The following SHOC1 variants were observed in gnomAD, a reference collection of about 807,000 sequenced individuals.
SHOC1 encodes the protein shortage in chiasmata 1.
SHOC1 carries 136 observed loss-of-function variants against 179.2 expected under a neutral mutation model. The ratio of observed to expected loss-of-function variants is 0.76; its 90% CI spans 0.66 to 0.87. SHOC1 has a LOEUF of 0.87. Ranked by LOEUF, SHOC1 falls within the 40% of genes least tolerant of loss-of-function variation. The pLI is 0.00. For missense variants in SHOC1, 1,538 were observed against 1,700.8 expected, an observed-to-expected ratio of 0.90 and a Z score of 1.68; for synonymous variants, 489 against 586.6, an observed-to-expected ratio of 0.83 and a Z score of 2.41.
At chr9:111,787,119 C>T (rs753091718) in intron 2 of SHOC1, among the ~76,000 whole-genome samples, 27 of 152,116 alleles carry the variant, frequency 1.8e-4, no homozygotes, top group East Asian at 3.8e-4. Flanking sequence ...AAAATATTAC[C>T]GCTTGTTGAT....
At chr9:111,728,273 A>C (rs1833401009) in intron 12 of SHOC1, among the ~76,000 whole-genome samples, 1 of 152,180 alleles carries the variant, frequency 6.6e-6, no homozygotes, top group Non-Finnish European at 1.5e-5. Flanking sequence ...TAGTTTACCA[A>C]GCAAAGAAGA....
chr9:111,754,139 T>C (rs1834743699), intron 8 of SHOC1, among the ~76,000 whole-genome samples: 1 of 152,164 alleles, frequency 6.6e-6, no homozygotes, highest in African/African-American at 2.4e-5. Context: ...TCAAAATATG[T>C]TATACACCTG....
At chr9:111,782,354 T>A (rs1248851168) in intron 3 of SHOC1, among the ~76,000 whole-genome samples, 5 of 152,232 alleles carry the variant, frequency 3.3e-5, no homozygotes, top group East Asian at 1.9e-4. Flanking sequence ...CTGTTTTTTT[T>A]ATGTACAAAC....
intron 11 of SHOC1, among the ~76,000 whole-genome samples, 165 bp downstream of exon 11, chr9:111,741,311 C>T (rs1484108764): frequency 6.6e-6 from 1 of 152,012 alleles, no homozygotes; most frequent in African/African-American, 2.4e-5. Context: ...TACTTCTGCA[C>T]CTAGCATAAT....
At chr9:111,762,414 G>A (rs959478216) in intron 5 of SHOC1, among the ~76,000 whole-genome samples, 2 of 151,454 alleles carry the variant, frequency 1.3e-5, no homozygotes, top group Non-Finnish European at 2.9e-5. Flanking sequence ...GAGAAACAGA[G>A]TCTCAATTTA....
rs1831424325 is a variant in SHOC1, at chr9:111,691,593, G to A, written c.4384C>T (p.His1462Tyr). The A allele has an allele frequency of 6.2e-7, 1 of 1,613,456 alleles. No individual in the cohort carries two copies. The highest frequency in any genetic ancestry group is 8.5e-7 in the Non-Finnish European group (1 of 1,179,728). Residue 1462 changes from histidine to tyrosine, a missense_variant, in exon 27 of 28, where the codon CAT becomes TAT. Transcript: ENST00000682961. ...TCTCCTGAGTTAAATGAAGATTCAT[G>A]GTGCCTTTTCTGTCCTAAACTTTTT... ...AGKSLGQKRH[H>Y]ESSFNSGDKE...
intron 20 of SHOC1, 130 bp downstream of exon 20, chr9:111,706,438 A>G: frequency 2.0e-6 from 1 of 506,428 alleles, no homozygotes; most frequent in African/African-American, 2.0e-5. Flanking sequence ...TCACACAGAT[A>G]GTGGTGGGGT....
intron 5 of SHOC1, among the ~76,000 whole-genome samples, chr9:111,764,612 G>T (rs1276797967): frequency 6.6e-6 from 1 of 152,188 alleles, no homozygotes; most frequent in African/African-American, 2.4e-5. Flanking sequence ...GAACGTGGTA[G>T]TGAGGGTATA....
intron 27 of SHOC1, among the ~76,000 whole-genome samples, chr9:111,690,891 G>A (rs925280525): frequency 1.3e-5 from 2 of 152,062 alleles, no homozygotes; most frequent in Non-Finnish European, 2.9e-5. Context: ...GCTTCCCCCC[G>A]CCCTCCCCTT....
At chr9:111,722,608 G>A in intron 14 of SHOC1, 23 bp from the exon 15 acceptor site, 1 of 1,579,084 alleles carries the variant, frequency 6.3e-7, no homozygotes, top group Non-Finnish European at 8.5e-7. Flanking sequence ...AAGCATTAAT[G>A]GCAGTGTTTT....
intron 16 of SHOC1, among the ~76,000 whole-genome samples, chr9:111,715,352 T>A (rs1564120107): frequency 6.6e-6 from 1 of 152,212 alleles, no homozygotes. Flanking sequence ...GAAATAAATT[T>A]AAAAAATTTA....
chr9:111,772,732 T>C (rs186337215), intron 5 of SHOC1, among the ~76,000 whole-genome samples: 1 of 152,306 alleles, frequency 6.6e-6, no homozygotes, highest in East Asian at 1.9e-4. Flanking sequence ...TAGAGGTTCG[T>C]GCCCAAGGGA....
chr9:111,710,120 T>C (rs912794037), intron 18 of SHOC1, among the ~76,000 whole-genome samples: 2 of 152,214 alleles, frequency 1.3e-5, no homozygotes, highest in Non-Finnish European at 2.9e-5. Context: ...TGTTTCCAAT[T>C]ACCCTGATTA....
At chr9:111,731,505 G>A (rs1185101789) in intron 12 of SHOC1, among the ~76,000 whole-genome samples, 1 of 152,106 alleles carries the variant, frequency 6.6e-6, no homozygotes, top group African/African-American at 2.4e-5. Flanking sequence ...GAGAGATAAG[G>A]GAACAGCTGG....
chr9:111,731,454 C>T lies in SHOC1; in HGVS notation c.1418-3405G>A, dbSNP rs534004900. On this transcript the variant is annotated intron_variant, in intron 12 of 27. Coordinates refer to ENST00000682961, the MANE Select transcript of SHOC1 (RefSeq NM_001378211.1). The stretch of plus-strand genomic sequence containing the variant: ...TTATTAATTGGCCTAATTTTAGTAC[C>T]GTTGTGTCTCGACAGACATAGAGTG... 3.8e-4 allele frequency among the ~76,000 whole-genome samples: 58 copies of T among 152,158 alleles called. No individual in the cohort carries two copies. In the South Asian group the frequency reaches 7.0e-3, roughly 18 times the overall value.
chr9:111,744,108 T>C (rs1256809305), intron 10 of SHOC1, among the ~76,000 whole-genome samples: 1 of 152,190 alleles, frequency 6.6e-6, no homozygotes, highest in Admixed American at 6.6e-5. Flanking sequence ...ATGGTTTAAA[T>C]ACTTCTAAAA....
intron 12 of SHOC1, among the ~76,000 whole-genome samples, chr9:111,736,078 A>G (rs1833801918): frequency 6.6e-6 from 1 of 152,206 alleles, no homozygotes. Context: ...ACACAAATAA[A>G]AGGAAAAACA....
rs2131359826 is a variant in SHOC1, at chr9:111,706,606, A to G, written c.2699T>C (p.Met900Thr). 1 of 1,596,876 alleles carries G rather than the reference A, an allele frequency of 6.3e-7. No homozygotes were observed. The highest frequency in any genetic ancestry group is 1.1e-5 in the South Asian group (1 of 88,022). ...GTCTGGAAGAATCACTTTAAAGGCC[A>G]TGTAAGGAATATTCAACTCTTTGCA... ...KHCKELNIPY[M>T]AFKVILPDTV... Residue 900 changes from methionine (M) to threonine (T), a missense_variant, in exon 20 of 28, where the codon ATG becomes ACG. By Grantham distance (81) the Met-to-Thr change is moderately conservative. Transcript: ENST00000682961.
At position 111,791,374 on chromosome 9, in the gene SHOC1, C is replaced by T; in HGVS notation, c.45G>A (p.Glu15=). Residue 15 remains glutamate (E), a splice_region_variant and synonymous_variant, in exon 2 of 28, where the codon GAG becomes GAA. Transcript: ENST00000682961. ...AGACAGTAAGCCACTAACACTCTAC[C>T]TCATATAAATAGTCTATTGCATGAT... The part of the protein sequence containing the change: ...LKYHAIDYLY[E]NVVRKKFYRD... 1 of 1,457,246 alleles carries T rather than the reference C, an allele frequency of 6.9e-7. No individual in the cohort carries two copies. The highest frequency in any genetic ancestry group is 9.1e-7 in the Non-Finnish European group (1 of 1,095,888). The allele number at this position is 1,457,246 out of a possible 1,614,324, so 90.3% of individuals were successfully genotyped here.
Sources: allele counts gnomAD v4.1 joint callset (sites outside exome capture counted in the v4.1 genomes callset), GRCh38; gene constraint gnomAD v4.1.1; transcripts MANE v1.5; gene names NCBI Gene and HGNC (gene_info 2026-07-23, HGNC 2026-07-21).